RP1: variants seen among roughly 807,000 people sequenced by gnomAD.
RP1 encodes the protein oxygen-regulated protein 1.
In RP1, 16 loss-of-function variants were observed where a neutral mutation model predicts 14.8. The observed-to-expected ratio is 1.08, with a 90% confidence interval of 0.73 to 1.65. RP1 has a LOEUF of 1.65. Ranked by LOEUF, RP1 falls within the 40% of genes most tolerant of loss-of-function variation. RP1 has a pLI of 0.00. For missense variants in RP1, 2,631 were observed against 2,535.0 expected, an observed-to-expected ratio of 1.04 and a Z score of -0.81; for synonymous variants, 876 against 883.6, an observed-to-expected ratio of 0.99 and a Z score of 0.15.
At chr8:54,586,853 A>G (rs1804939048) in intron 1 of RP1, among the ~76,000 whole-genome samples, 1 of 152,200 alleles carries the variant, frequency 6.6e-6, no homozygotes, top group Admixed American at 6.5e-5. Flanking sequence ...AAAGCGCAGT[A>G]TTAAGGTGGG....
Position 54,628,243 on chromosome 8 carries a change from G to A in RP1, c.4361G>A (p.Ser1454Asn). 2 of 1,613,946 alleles carry A rather than the reference G, an allele frequency of 1.2e-6. No homozygotes were observed. Among genetic ancestry groups the A allele is most frequent in the South Asian group, 1.1e-5 (1 of 91,074 alleles). Reference sequence around the variant, plus strand: ...GAAGAACCAGGCTCAATAACCAACAGCATGACATCAAGTGAAAGAAACATT... The same window carrying A: ...GAAGAACCAGGCTCAATAACCAACAACATGACATCAAGTGAAAGAAACATT... ...TSEEPGSITN[S>N]MTSSERNISE... The change falls in exon 4 of 4, where the codon AGC (serine) becomes AAC (asparagine). Residue 1454 changes from serine to asparagine, a missense_variant. By Grantham distance (46) the Ser-to-Asn change is conservative. Coordinates refer to ENST00000220676, the MANE Select transcript of RP1 (RefSeq NM_006269.2).
chr8:54,754,021 G>A (rs1809439279), intron 19 of RP1, among the ~76,000 whole-genome samples: 2 of 152,174 alleles, frequency 1.3e-5, no homozygotes, highest in African/African-American at 4.8e-5. Context: ...GCAAACAATT[G>A]TGGGCTTATT....
At chr8:54,714,532 A>G (rs1338931250) in intron 15 of RP1, among the ~76,000 whole-genome samples, 1 of 152,196 alleles carries the variant, frequency 6.6e-6, no homozygotes, top group Non-Finnish European at 1.5e-5. Flanking sequence ...GGAACTGAAG[A>G]CAGCAAGAAG....
chr8:54,607,128 TAG>T (rs752406479), intron 1 of RP1, among the ~76,000 whole-genome samples: 2 of 152,224 alleles, frequency 1.3e-5, no homozygotes, highest in African/African-American at 2.4e-5. Flanking sequence ...CTCTGATTTT[TAG>T]AGTTTCCAGT....
chr8:54,761,676 C>G (rs1391278782), intron 22 of RP1, among the ~76,000 whole-genome samples: 1 of 151,822 alleles, frequency 6.6e-6, no homozygotes, highest in Admixed American at 6.6e-5. Flanking sequence ...TTGAACAATC[C>G]CAAATAATGT....
At chr8:54,690,435 C>T (rs1263417136) in intron 12 of RP1, among the ~76,000 whole-genome samples, 1 of 151,942 alleles carries the variant, frequency 6.6e-6, no homozygotes, top group Non-Finnish European at 1.5e-5. Flanking sequence ...GAAATCAAAC[C>T]CCTCTATTTT....
At chr8:54,569,157 G>A (rs1016126638) in intron 1 of RP1, among the ~76,000 whole-genome samples, 1 of 152,156 alleles carries the variant, frequency 6.6e-6, no homozygotes. Flanking sequence ...AGTAATTATA[G>A]GAAGATTATG....
At chr8:54,706,774 T>C (rs1396314516) in intron 15 of RP1, 2 of 960,408 alleles carry the variant, frequency 2.1e-6, no homozygotes, top group South Asian at 1.6e-5. Flanking sequence ...GTGGTCTCCC[T>C]TGACTGGTAT....
intron 1 of RP1, among the ~76,000 whole-genome samples, chr8:54,567,438 A>G (rs888123015): frequency 6.6e-6 from 1 of 152,192 alleles, no homozygotes; most frequent in African/African-American, 2.4e-5. Context: ...AATTTCACTT[A>G]TTATTATGAG....
At chr8:54,654,847 A>G (rs1270663535) in intron 5 of RP1, among the ~76,000 whole-genome samples, 1 of 152,122 alleles carries the variant, frequency 6.6e-6, no homozygotes, top group African/African-American at 2.4e-5. Context: ...GGGTCTTGCC[A>G]TGTTGCCCTG....
At position 54,626,550 on chromosome 8, in the gene RP1, A is replaced by G. The variant is rs1437184894; in HGVS notation, c.2668A>G (p.Thr890Ala). The stretch of plus-strand genomic sequence containing the variant: ...TATTTTAAGTAAACAACATGCTACA[A>G]CCAGGGCAAATTCTTTAGCTTCTTT... ...SAILSKQHAT[T>A]RANSLASLKK... is the part of the protein sequence containing the mutation. The change falls in exon 4 of 4, where the codon ACC becomes GCC. Residue 890 changes from threonine (T) to alanine (A), a missense_variant. Physicochemically the swap from Thr to Ala is moderately conservative, Grantham distance 58 (BLOSUM62 0). Transcript: ENST00000220676. 1.9e-6 allele frequency: 3 copies of G among 1,613,650 alleles called. No individual in the cohort carries two copies. Among genetic ancestry groups the G allele is most frequent in the Non-Finnish European group, 1.7e-6 (2 of 1,179,896 alleles).
Position 54,693,492 on chromosome 8 carries a change from G to A in RP1, c.1718-5975G>A, listed in dbSNP as rs534664402. ...ATTTGTTTGTATCCTCTTTTATTTC[G>A]TTGAGCAGTGGTTTGTAGTTCTCCT... On this transcript the variant is annotated intron_variant, in intron 12 of 22. Transcript: ENST00000636932. Among the ~76,000 whole-genome samples, 209 of 151,870 alleles carry A rather than the reference G, an allele frequency of 1.4e-3. 1 individual carries two copies. Among genetic ancestry groups the A allele is most frequent in the African/African-American group, 4.4e-3 (183 of 41,424 alleles).
At chr8:54,856,668 T>C (rs1812205976) in intron 26 of RP1, among the ~76,000 whole-genome samples, 1 of 152,144 alleles carries the variant, frequency 6.6e-6, no homozygotes, top group Non-Finnish European at 1.5e-5. Context: ...TGGGCTGTTG[T>C]GAGGATTCAA....
intron 25 of RP1, among the ~76,000 whole-genome samples, chr8:54,846,151 A>G (rs1405482914): frequency 6.6e-6 from 1 of 152,244 alleles, no homozygotes; most frequent in South Asian, 2.1e-4. Flanking sequence ...GACCGTTACA[A>G]TGGAATCCAG....
At chr8:54,828,336 GTCATCAAAGTGGATCTC>G (rs1467948547) in intron 24 of RP1, among the ~76,000 whole-genome samples, 1 of 152,200 alleles carries the variant, frequency 6.6e-6, no homozygotes, top group Non-Finnish European at 1.5e-5. Flanking sequence ...AGGTCTTTGG[GTCATCAAAGTGGATCTC>G]TCATGAATGG....
At chr8:54,603,029 C>T (rs1023501277) in intron 1 of RP1, among the ~76,000 whole-genome samples, 1 of 152,144 alleles carries the variant, frequency 6.6e-6, no homozygotes, top group Non-Finnish European at 1.5e-5. Context: ...TGTGTGGAAG[C>T]TCTTTAGTTT....
At chr8:54,726,031 A>G (rs531324730) in intron 16 of RP1, among the ~76,000 whole-genome samples, 11 of 152,334 alleles carry the variant, frequency 7.2e-5, no homozygotes, top group African/African-American at 2.4e-4. Context: ...AAGATTGTTA[A>G]AGAAGTTCCC....
intron 24 of RP1, among the ~76,000 whole-genome samples, chr8:54,826,809 T>C (rs968259978): frequency 1.6e-4 from 24 of 152,222 alleles, no homozygotes; most frequent in African/African-American, 5.8e-4. Context: ...ATGATGGGGA[T>C]ACCTTTGACA....
chr8:54,560,368 C>T (rs1804258032), intron 1 of RP1: 1 of 152,152 alleles, frequency 6.6e-6, no homozygotes, highest in Non-Finnish European at 1.5e-5. Context: ...ATTCACACGC[C>T]CGCTGCTAGA....
Sources: allele counts gnomAD v4.1 joint callset (sites outside exome capture counted in the v4.1 genomes callset), GRCh38; gene constraint gnomAD v4.1.1; transcripts MANE v1.5; gene names NCBI Gene and HGNC (gene_info 2026-07-23, HGNC 2026-07-21).